Variants in MCTP2 observed in about 807,000 individuals in gnomAD.
MCTP2 encodes multiple C2 and transmembrane domain containing 2, also known as multiple C2 and transmembrane domain-containing protein 2.
A neutral mutation model predicts 111.6 loss-of-function variants in MCTP2; 132 were observed. The ratio of observed to expected loss-of-function variants is 1.18; its 90% CI spans 1.03 to 1.37. The LOEUF (loss-of-function observed/expected upper bound fraction) is 1.37, where lower values mean the gene tolerates loss of function less well. MCTP2 is among the 40% of genes most tolerant of loss of function. MCTP2 has a pLI of 0.00. For missense variants in MCTP2, 1,183 were observed against 1,067.9 expected (o/e 1.11, Z -1.50); for synonymous variants, 395 against 387.7 (o/e 1.02, Z -0.22).
intron 8 of MCTP2, among the ~76,000 whole-genome samples, chr15:94,355,783 A>G (rs1358288600): frequency 6.6e-6 from 1 of 152,228 alleles, no homozygotes; most frequent in Non-Finnish European, 1.5e-5. Flanking sequence ...TTGTTCTGGT[A>G]TAATATCTCT....
rs372963963 is a variant in MCTP2, at chr15:94,356,189, T to C, written c.1058T>C (p.Leu353Pro). The change falls in exon 9 of 23, where the codon CTC (leucine) becomes CCC (proline). Residue 353 changes from leucine (L) to proline (P), a missense_variant. Transcript: ENST00000357742. ...RLSESLKKNQ[L>P]WNGIISITLL... ...TCTGAGTCCTTGAAAAAGAACCAACTCTGGAACGGGATTATAAGTATAACT... is the reference window on the plus strand; with the variant it reads ...TCTGAGTCCTTGAAAAAGAACCAACCCTGGAACGGGATTATAAGTATAACT... 2.5e-6 allele frequency: 4 copies of C among 1,613,016 alleles called. No homozygotes were observed. The highest frequency in any genetic ancestry group is 3.4e-6 in the Non-Finnish European group (4 of 1,179,496).
rs770577677 is a variant in MCTP2 at position 94,367,711 on chromosome 15, T to C, written c.1408T>C (p.Cys470Arg). ...CCTTATGTTGGTCACACTTACACCC[T>C]GTGCGGGGGTCTCCGTCTCTGATCT... ...ALLMLVTLTP[C>R]AGVSVSDLCV... Residue 470 changes from cysteine to arginine, a missense_variant, in exon 11 of 23, where the codon TGT becomes CGT. Physicochemically the swap from Cys to Arg is radical, Grantham distance 180. Transcript: ENST00000357742. The C allele has an allele frequency of 5.6e-6, 9 of 1,608,600 alleles. No individual in the cohort carries two copies. Among genetic ancestry groups the C allele is most frequent in the Admixed American group, 1.7e-5 (1 of 58,794 alleles).
rs1027836395 is a variant in MCTP2 at position 94,479,221 on chromosome 15, G to A, written c.*187G>A. 23 of 619,746 alleles carry A rather than the reference G, an allele frequency of 3.7e-5. No homozygotes were observed. The highest frequency in any genetic ancestry group is 5.8e-5 in the Non-Finnish European group (20 of 342,346). 38.4% of individuals were successfully genotyped at this position (619,746 alleles called of 1,614,324 possible). ...TGTGCACACACCCTCATGCATGGGT[G>A]TCCTAGTTGCGTAGAGGGTCAGCCC... On this transcript the variant is annotated 3_prime_UTR_variant, in exon 23 of 23. Coordinates refer to ENST00000357742, the MANE Select transcript of MCTP2 (RefSeq NM_001385001.1).
At position 94,340,184 on chromosome 15, in the gene MCTP2, C is replaced by T. The variant is rs759999913; in HGVS notation, c.781-15C>T. ...ACCATAATAATGTGTTAATTGACCT[C>T]TGTCCTCTTTGTAGGTATATGATCG... On this transcript the variant is annotated splice_polypyrimidine_tract_variant and intron_variant, in intron 5 of 22. Coordinates refer to ENST00000357742, the MANE Select transcript of MCTP2 (RefSeq NM_001385001.1). 6.3e-6 allele frequency: 10 copies of T among 1,590,272 alleles called. No individual in the cohort carries two copies. The African/African-American group carries it at 1.1e-4, about 17-fold the overall frequency.
chr15:94,283,819 C>G (rs1485399280), intron 1 of MCTP2, among the ~76,000 whole-genome samples: 2 of 152,172 alleles, frequency 1.3e-5, no homozygotes, highest in Non-Finnish European at 2.9e-5. Flanking sequence ...TATTTTAAAA[C>G]CATATGCATT....
intron 20 of MCTP2, among the ~76,000 whole-genome samples, chr15:94,461,553 CATT>C (rs1172864609): frequency 2.6e-5 from 4 of 152,130 alleles, no homozygotes; most frequent in African/African-American, 9.7e-5. Context: ...TGTGTTCTAT[CATT>C]ATGGAGTGAG....
At chr15:94,355,300 G>T (rs546334605) in intron 8 of MCTP2, among the ~76,000 whole-genome samples, 1 of 152,326 alleles carries the variant, frequency 6.6e-6, no homozygotes, top group South Asian at 2.1e-4. Flanking sequence ...AGATTTGCCA[G>T]ACAGTGAATC....
intron 19 of MCTP2, among the ~76,000 whole-genome samples, chr15:94,456,167 C>G (rs1178157941): frequency 6.6e-6 from 1 of 152,140 alleles, no homozygotes; most frequent in Non-Finnish European, 1.5e-5. Flanking sequence ...TTCTGTTACT[C>G]AAGATATAGT....
At chr15:94,301,422 T>A (rs137957026) in intron 2 of MCTP2, among the ~76,000 whole-genome samples, 82 of 152,254 alleles carry the variant, frequency 5.4e-4, no homozygotes, top group Admixed American at 9.2e-4. Flanking sequence ...AGTCTGATGT[T>A]TAAGGCCCTG....
At position 94,448,266 on chromosome 15, in the gene MCTP2, TATC is replaced by T. The variant is rs1172029277; in HGVS notation, c.2250+5308_2250+5310del. 2.0e-5 allele frequency among the ~76,000 whole-genome samples: 3 copies of T among 152,392 alleles called. No homozygotes were observed. The East Asian group carries it at 5.8e-4, about 29-fold the overall frequency. ...ACCTTATTCAGAGCATCCTGCTTAT[TATC>T]AAGCTCACTAATATTCCTAGTACAA... On this transcript the variant is annotated intron_variant, in intron 19 of 22. Coordinates refer to ENST00000357742, the MANE Select transcript of MCTP2 (RefSeq NM_001385001.1).
At chr15:94,299,022 CCTCTCT>C (rs2075462105) in intron 2 of MCTP2, among the ~76,000 whole-genome samples, 2 of 107,494 alleles carry the variant, frequency 1.9e-5, no homozygotes, top group Admixed American at 2.0e-4. Flanking sequence ...TCTCTCCCTC[CCTCTCT>C]CCCTCCCCCT....
chr15:94,452,203 T>C (rs536451024), intron 19 of MCTP2, among the ~76,000 whole-genome samples: 26 of 152,296 alleles, frequency 1.7e-4, no homozygotes, highest in African/African-American at 6.0e-4. Flanking sequence ...ATGTAATACT[T>C]CCTGTGATAT....
chr15:94,423,683 G>A (rs987394343), intron 17 of MCTP2, among the ~76,000 whole-genome samples: 11 of 152,310 alleles, frequency 7.2e-5, no homozygotes, highest in East Asian at 3.9e-4. Context: ...GTGCATGTGC[G>A]TGTAAGAGTT....
chr15:94,346,781 T>G (rs11637617), intron 8 of MCTP2, among the ~76,000 whole-genome samples: 33,446 of 151,788 alleles, frequency 0.22, 3,777 homozygotes, highest in East Asian at 0.31. Context: ...AAACGAATGA[T>G]GGGGAGTAGA....
intron 10 of MCTP2, among the ~76,000 whole-genome samples, chr15:94,364,927 T>G (rs947996647): frequency 6.6e-6 from 1 of 152,202 alleles, no homozygotes; most frequent in African/African-American, 2.4e-5. Context: ...AATACATTTT[T>G]TCTGTCTCCC....
At chr15:94,269,282 ATTATT>A (rs1047181098) in intron 1 of MCTP2, among the ~76,000 whole-genome samples, 3 of 152,208 alleles carry the variant, frequency 2.0e-5, no homozygotes, top group Non-Finnish European at 4.4e-5. Flanking sequence ...TAAAATGTTG[ATTATT>A]TTAAGTCATC....
intron 1 of MCTP2, among the ~76,000 whole-genome samples, chr15:94,280,520 C>G (rs1898471860): frequency 6.6e-6 from 1 of 150,560 alleles, no homozygotes; most frequent in African/African-American, 2.4e-5. Flanking sequence ...ATTAGTCTCA[C>G]TACCAATCTT....
At chr15:94,384,205 T>C in intron 13 of MCTP2, 81 bp downstream of exon 13, 1 of 859,018 alleles carries the variant, frequency 1.2e-6, no homozygotes, top group Non-Finnish European at 1.9e-6. Context: ...TTCTGTCCAT[T>C]TTTATGGGCA....
chr15:94,277,202 T>G (rs948039311), intron 1 of MCTP2, among the ~76,000 whole-genome samples: 1 of 152,148 alleles, frequency 6.6e-6, no homozygotes, highest in Non-Finnish European at 1.5e-5. Context: ...ATGAGATACC[T>G]AGGAATTAAT....
Sources: allele counts gnomAD v4.1 joint callset (sites outside exome capture counted in the v4.1 genomes callset), GRCh38; gene constraint gnomAD v4.1.1; transcripts MANE v1.5; gene names NCBI Gene and HGNC (gene_info 2026-07-23, HGNC 2026-07-21).